Variants in BTBD8 observed in about 807,000 individuals in gnomAD.
The protein encoded by BTBD8 is BTB domain containing 8.
In BTBD8, 110 loss-of-function variants were observed where a neutral mutation model predicts 162.9. The observed-to-expected ratio is 0.68, with a 90% confidence interval of 0.58 to 0.79. The LOEUF (loss-of-function observed/expected upper bound fraction) is 0.79, where lower values mean the gene tolerates loss of function less well. BTBD8 is among the 30% of genes least tolerant of loss of function. The probability of loss-of-function intolerance (pLI) is 0.00; values close to 1 mark genes in which losing one functional copy is unlikely to be tolerated. For synonymous variants in BTBD8, 667 were observed against 716.1 expected (o/e 0.93, Z 1.10); for missense variants, 1,905 against 2,085.4 (o/e 0.91, Z 1.68).
Position 92,132,768 on chromosome 1 carries a change from T to C in BTBD8, c.752+2992T>C, listed in dbSNP as rs372618318. ...TTACCTAGAGCTGCTTTATTAACAG[T>C]GGAGGCTCACCTCTAATTGGCTTAT... is the stretch of plus-strand genomic sequence containing the variant. On this transcript the variant is annotated intron_variant, in intron 5 of 17. Coordinates refer to ENST00000636805, the MANE Select transcript of BTBD8 (RefSeq NM_001376131.1). 5.7e-4 allele frequency among the ~76,000 whole-genome samples: 87 copies of C among 152,324 alleles called. 1 individual carries two copies. Among genetic ancestry groups the C allele is most frequent in the African/African-American group, 2.0e-3 (83 of 41,566 alleles).
Position 92,169,222 on chromosome 1 carries a change from C to T in BTBD8, c.1573+227C>T, listed in dbSNP as rs74568907. On this transcript the variant is annotated intron_variant, in intron 12 of 17. Transcript: ENST00000636805. ...CTTTATATATATATATGTTTCTAAT[C>T]TTACTATACATTAGCAACAATGTTC... 3.3e-5 allele frequency among the ~76,000 whole-genome samples: 5 copies of T among 152,192 alleles called. No homozygotes were observed. The East Asian group carries it at 7.7e-4, about 24-fold the overall frequency.
chr1:92,181,730 T>C lies in BTBD8; in HGVS notation c.4047T>C (p.Ile1349=), dbSNP rs1650914516. 6.4e-7 allele frequency: 1 copy of C among 1,551,346 alleles called. No individual in the cohort carries two copies. Among genetic ancestry groups the C allele is most frequent in the Non-Finnish European group, 8.7e-7 (1 of 1,146,948 alleles). Residue 1349 remains isoleucine, a synonymous_variant, in exon 17 of 18, where the codon ATT becomes ATC. Coordinates refer to ENST00000636805, the MANE Select transcript of BTBD8 (RefSeq NM_001376131.1). ...AAATCCCTAGGAAAAGGCCAGAAAT[T>C]TGGTCTCGATCTGCAATAGTTCACT... is the stretch of plus-strand genomic sequence containing the variant. The part of the protein sequence containing the change: ...DDEIPRKRPE[I]WSRSAIVHSR...
chr1:92,130,068 C>T (rs1649473139), intron 5 of BTBD8, among the ~76,000 whole-genome samples: 1 of 152,194 alleles, frequency 6.6e-6, no homozygotes, highest in African/African-American at 2.4e-5. Flanking sequence ...AACATGCCAG[C>T]AGTTTTGGTG....
intron 11 of BTBD8, among the ~76,000 whole-genome samples, chr1:92,168,534 T>A (rs1205097042): frequency 2.6e-5 from 4 of 152,212 alleles, no homozygotes; most frequent in Non-Finnish European, 2.9e-5. Flanking sequence ...GAATGGTTTT[T>A]AAAATGTATC....
intron 1 of BTBD8, among the ~76,000 whole-genome samples, chr1:92,083,781 C>T (rs182701964): frequency 2.2e-4 from 34 of 152,208 alleles, no homozygotes; most frequent in Non-Finnish European, 4.9e-4. Flanking sequence ...TCCAGGGATA[C>T]ATAATGGCAG....
At chr1:92,093,030 A>G (rs1296152048) in intron 2 of BTBD8, among the ~76,000 whole-genome samples, 1 of 152,030 alleles carries the variant, frequency 6.6e-6, no homozygotes, top group Non-Finnish European at 1.5e-5. Flanking sequence ...GCTCCTGTGG[A>G]GAGCATAAAT....
In BTBD8 at chr1:92,177,488, T is replaced by G. The variant is rs1290424775; in HGVS notation, c.2295T>G (p.Cys765Trp). 6.4e-7 allele frequency: 1 copy of G among 1,551,268 alleles called. No individual in the cohort carries two copies. Among genetic ancestry groups the G allele is most frequent in the East Asian group, 2.4e-5 (1 of 40,934 alleles). ...CTTCTGGACATAAACTATCCTTTTG[T>G]GATTCTCCAGGACAGATGATGAAAA... Reference protein sequence around the residue: ...EKPSGHKLSFCDSPGQMMKNS... With the variant: ...EKPSGHKLSFWDSPGQMMKNS... The change falls in exon 14 of 18, where the codon TGT becomes TGG. Residue 765 changes from cysteine to tryptophan, a missense_variant. Physicochemically the swap from Cys to Trp is radical, Grantham distance 215 (BLOSUM62 -2). Transcript: ENST00000636805.
chr1:92,099,016 T>C (rs926772254), intron 2 of BTBD8, among the ~76,000 whole-genome samples: 7 of 152,218 alleles, frequency 4.6e-5, no homozygotes, highest in Non-Finnish European at 1.0e-4. Flanking sequence ...TAAAACAGTT[T>C]TGTACTTTTA....
At position 92,183,979 on chromosome 1, in the gene BTBD8, G is replaced by A; in HGVS notation, c.5028G>A (p.Val1676=). ...MDVIEAFEQK[V]ESETHVTDMD... is the part of the protein sequence containing the mutation. Reference sequence around the variant, plus strand: ...TAATAGAAGCATTTGAGCAGAAAGTGGAATCAGAAACACATGTTACAGATA... The same window carrying A: ...TAATAGAAGCATTTGAGCAGAAAGTAGAATCAGAAACACATGTTACAGATA... The change falls in exon 18 of 18, where the codon GTG becomes GTA. Residue 1676 remains valine (V), a synonymous_variant. Transcript: ENST00000636805. 6 of 1,551,400 alleles carry A rather than the reference G, an allele frequency of 3.9e-6. No individual in the cohort carries two copies. The highest frequency in any genetic ancestry group is 5.2e-6 in the Non-Finnish European group (6 of 1,146,814).
intron 6 of BTBD8, among the ~76,000 whole-genome samples, chr1:92,140,477 T>C (rs1003548143): frequency 6.6e-6 from 1 of 152,186 alleles, no homozygotes; most frequent in Non-Finnish European, 1.5e-5. Context: ...CTTGGTTCCT[T>C]TAATTTTAAA....
In BTBD8 at chr1:92,182,294, C is replaced by T; in HGVS notation, c.4611C>T (p.Asn1537=). 1.3e-6 allele frequency: 2 copies of T among 1,551,260 alleles called. No individual in the cohort carries two copies. Among genetic ancestry groups the T allele is most frequent in the Non-Finnish European group, 1.7e-6 (2 of 1,146,852 alleles). ...KQSVSATEKK[N]TIDVLSSRSR... is the part of the protein sequence containing the mutation. ...GTGTTTCAGCCACAGAAAAAAAGAA[C>T]ACAATAGACGTCCTATCCAGTAGAA... Residue 1537 remains asparagine (N), a synonymous_variant, in exon 17 of 18, where the codon AAC becomes AAT. Coordinates refer to ENST00000636805, the MANE Select transcript of BTBD8 (RefSeq NM_001376131.1).
Position 92,129,676 on chromosome 1 carries a change from C to T in BTBD8, c.663-11C>T. On this transcript the variant is annotated splice_polypyrimidine_tract_variant and intron_variant, in intron 4 of 17. Coordinates refer to ENST00000636805, the MANE Select transcript of BTBD8 (RefSeq NM_001376131.1). ...ATGTTTACCTGTGTTTCTCCCCCCTCTTCCCTTTAGGGCCATTTTGAGTGC... is the reference window on the plus strand; with the variant it reads ...ATGTTTACCTGTGTTTCTCCCCCCTTTTCCCTTTAGGGCCATTTTGAGTGC... 6.2e-7 allele frequency: 1 copy of T among 1,608,686 alleles called. No homozygotes were observed. Among genetic ancestry groups the T allele is most frequent in the Non-Finnish European group, 8.5e-7 (1 of 1,175,064 alleles).
At chr1:92,106,117 C>T (rs1321308898) in intron 3 of BTBD8, among the ~76,000 whole-genome samples, 1 of 152,138 alleles carries the variant, frequency 6.6e-6, no homozygotes, top group South Asian at 2.1e-4. Context: ...GTGAGATTGA[C>T]CAAAACCTTG....
chr1:92,115,341 C>CTTT (rs1649006791), intron 4 of BTBD8: 3 of 452,658 alleles, frequency 6.6e-6, no homozygotes, highest in South Asian at 1.8e-5. Context: ...GGGAGCTAAG[C>CTTT]AGTTGGTGGT....
intron 7 of BTBD8, among the ~76,000 whole-genome samples, chr1:92,144,377 G>C (rs915772420): frequency 3.3e-5 from 5 of 152,020 alleles, no homozygotes. Flanking sequence ...TGGGCAGTCG[G>C]CCCCAGAACT....
At chr1:92,114,431 A>C (rs1309273390) in intron 4 of BTBD8, among the ~76,000 whole-genome samples, 1 of 152,068 alleles carries the variant, frequency 6.6e-6, no homozygotes, top group Non-Finnish European at 1.5e-5. Context: ...AATTTAAAAA[A>C]GTTTTTAAAA....
intron 2 of BTBD8, among the ~76,000 whole-genome samples, chr1:92,094,068 A>G (rs1442775641): frequency 6.6e-6 from 1 of 152,222 alleles, no homozygotes; most frequent in Non-Finnish European, 1.5e-5. Flanking sequence ...CTTGCTGTGC[A>G]TTATCTTGTT....
chr1:92,120,391 T>C (rs72956858), intron 4 of BTBD8, among the ~76,000 whole-genome samples: 2,200 of 152,266 alleles, frequency 0.014, 61 homozygotes, highest in African/African-American at 0.051. Context: ...TAACATGCCT[T>C]CTTCTGGAAT....
At chr1:92,160,187 G>A (rs1650247710) in intron 9 of BTBD8, among the ~76,000 whole-genome samples, 1 of 151,616 alleles carries the variant, frequency 6.6e-6, no homozygotes, top group African/African-American at 2.4e-5. Flanking sequence ...TTCAGTAATT[G>A]TATTCTTCAG....
Sources: gnomAD v4.1 joint callset for allele counts (sites outside exome capture counted in the v4.1 genomes callset) on GRCh38, gnomAD v4.1.1 for gene constraint, MANE v1.5 for transcripts, NCBI Gene and HGNC (gene_info 2026-07-23, HGNC 2026-07-21) for gene names.